The following PALM2AKAP2 variants were observed in gnomAD, a reference collection of about 807,000 sequenced individuals.
PALM2AKAP2 encodes PALM2 and AKAP2 fusion.
Under a neutral mutation model 71.5 loss-of-function variants are expected in PALM2AKAP2, and 37 were observed. The ratio of observed to expected loss-of-function variants is 0.52; its 90% confidence interval spans 0.40 to 0.68. The LOEUF (loss-of-function observed/expected upper bound fraction) is 0.68. Among genes scored for constraint, PALM2AKAP2 ranks in the 30% least tolerant of loss-of-function variants. The pLI is 0.00. For missense variants in PALM2AKAP2, 1,224 were observed against 1,191.8 expected (o/e 1.03, Z -0.40); for synonymous variants, 468 against 478.8 (o/e 0.98, Z 0.29).
intron 6 of PALM2AKAP2, among the ~76,000 whole-genome samples, chr9:109,970,838 G>C (rs369272779): frequency 1.4e-4 from 21 of 152,200 alleles, no homozygotes; most frequent in East Asian, 9.6e-4. Flanking sequence ...CAGGTGCCGG[G>C]GCTCATGCCT....
intron 7 of PALM2AKAP2, among the ~76,000 whole-genome samples, chr9:110,029,603 C>T (rs1256008441): frequency 6.6e-6 from 1 of 152,230 alleles, no homozygotes; most frequent in African/African-American, 2.4e-5. Flanking sequence ...CAGAGCCTGT[C>T]TGCAGATAAG....
chr9:109,997,579 T>TG (rs1165548504), intron 6 of PALM2AKAP2, among the ~76,000 whole-genome samples: 1 of 152,188 alleles, frequency 6.6e-6, no homozygotes, highest in East Asian at 1.9e-4. Context: ...GAGAAATAGT[T>TG]GGGGTTGCAG....
intron 6 of PALM2AKAP2, among the ~76,000 whole-genome samples, chr9:109,983,170 G>C (rs1832307603): frequency 6.6e-6 from 1 of 152,192 alleles, no homozygotes; most frequent in African/African-American, 2.4e-5. Context: ...CGGCTTTCAG[G>C]ATAGCGGACT....
intron 2 of PALM2AKAP2, among the ~76,000 whole-genome samples, chr9:109,876,528 G>C (rs1201072471): frequency 6.6e-6 from 1 of 152,042 alleles, no homozygotes; most frequent in African/African-American, 2.4e-5. Context: ...GCCCAGGTTG[G>C]AGTGCAGTGG....
At chr9:110,035,620 CAT>C (rs1225882359) in intron 7 of PALM2AKAP2, among the ~76,000 whole-genome samples, 18 of 117,118 alleles carry the variant, frequency 1.5e-4, no homozygotes, top group Non-Finnish European at 2.5e-4. Flanking sequence ...TTATATATAA[CAT>C]ATATAGGATA....
intron 1 of PALM2AKAP2, among the ~76,000 whole-genome samples, chr9:110,059,519 A>G (rs1253096901): frequency 6.6e-6 from 1 of 152,264 alleles, no homozygotes; most frequent in Non-Finnish European, 1.5e-5. Context: ...AGGCATTCCA[A>G]GAAAAATAAA....
chr9:109,920,827 G>A (rs1261524177), intron 3 of PALM2AKAP2, among the ~76,000 whole-genome samples: 1 of 142,416 alleles, frequency 7.0e-6, no homozygotes, highest in African/African-American at 2.6e-5. Context: ...AATAAAACCT[G>A]CTCAGAGCCC....
In PALM2AKAP2 at chr9:109,734,179, A is replaced by G. The variant is rs547409940; in HGVS notation, c.6-46309A>G. 8.5e-5 allele frequency among the ~76,000 whole-genome samples: 13 copies of G among 152,254 alleles called. No individual in the cohort carries two copies. In the East Asian group the frequency reaches 1.7e-3, roughly 20 times the overall value. ...GTATTCCCACTACTGGATTATCTCC[A>G]TTTTAGATCAATAATCCTCTTCCTC... On this transcript the variant is annotated intron_variant, in intron 1 of 6. Coordinates refer to the PALM2AKAP2 transcript ENST00000374531.
intron 3 of PALM2AKAP2, among the ~76,000 whole-genome samples, chr9:109,896,141 C>G (rs1433190899): frequency 6.6e-6 from 1 of 152,120 alleles, no homozygotes; most frequent in Non-Finnish European, 1.5e-5. Context: ...GCCGAGATCA[C>G]ACCATTGCAC....
At chr9:109,659,748 T>C in intron 1 of PALM2AKAP2, among the ~76,000 whole-genome samples, 1 of 152,188 alleles carries the variant, frequency 6.6e-6, no homozygotes, top group East Asian at 1.9e-4. Context: ...ATTGCTCCAC[T>C]AAAAAACTTT....
chr9:109,661,377 C>T (rs1160696508), intron 1 of PALM2AKAP2, among the ~76,000 whole-genome samples: 3 of 152,304 alleles, frequency 2.0e-5, no homozygotes, highest in African/African-American at 4.8e-5. Flanking sequence ...CAGCTTTATA[C>T]ATTTGACTAG....
At chr9:110,011,022 T>A (rs1217294852) in intron 6 of PALM2AKAP2, among the ~76,000 whole-genome samples, 6 of 132,124 alleles carry the variant, frequency 4.5e-5, no homozygotes, top group African/African-American at 8.8e-5. Context: ...AAAATATATA[T>A]ATATATATAT....
chr9:109,945,860 C>G (rs1463378797), intron 6 of PALM2AKAP2: 2 of 152,210 alleles, frequency 1.3e-5, no homozygotes, highest in Non-Finnish European at 2.9e-5. Flanking sequence ...CAACACTACA[C>G]ACAAGAACTA....
At chr9:110,151,610 G>A (rs1173657571) in intron 2 of PALM2AKAP2, among the ~76,000 whole-genome samples, 2 of 152,182 alleles carry the variant, frequency 1.3e-5, no homozygotes, top group Non-Finnish European at 2.9e-5. Flanking sequence ...AGGACACAAT[G>A]TTAGAAACAC....
At chr9:109,769,685 A>G (rs1829225713) in intron 1 of PALM2AKAP2, among the ~76,000 whole-genome samples, 1 of 152,216 alleles carries the variant, frequency 6.6e-6, no homozygotes, top group South Asian at 2.1e-4. Context: ...GCCTGATGAG[A>G]TGGACCTAAC....
At chr9:109,723,057 A>G (rs1319106448) in intron 1 of PALM2AKAP2, among the ~76,000 whole-genome samples, 1 of 151,960 alleles carries the variant, frequency 6.6e-6, no homozygotes, top group Non-Finnish European at 1.5e-5. Context: ...TGCAGGCTAT[A>G]CTCTCAACTT....
At chr9:109,843,380 A>G (rs1828762509) in intron 1 of PALM2AKAP2, among the ~76,000 whole-genome samples, 2 of 151,038 alleles carry the variant, frequency 1.3e-5, no homozygotes, top group Admixed American at 6.6e-5. Context: ...TAATAGCACT[A>G]TTGATTTTTA....
At position 109,923,920 on chromosome 9, in the gene PALM2AKAP2, C is replaced by G. The variant is rs1001812916; in HGVS notation, c.372+71C>G. ...GTAGGGCCTAGCAAAATGGTGCTAACTGGGAAACAGGCCAGTGGGCATTGA... is the reference window on the plus strand; with the variant it reads ...GTAGGGCCTAGCAAAATGGTGCTAAGTGGGAAACAGGCCAGTGGGCATTGA... On this transcript the variant is annotated intron_variant, in intron 4 of 9. Transcript: ENST00000302798. The G allele has an allele frequency of 3.6e-6, 5 of 1,404,994 alleles. No individual in the cohort carries two copies. The South Asian group carries it at 6.2e-5, about 17-fold the overall frequency. The allele number at this position is 1,404,994 out of a possible 1,614,324, so 87.0% of individuals were successfully genotyped here. A position where few individuals can be genotyped will look rare whatever the true frequency, so the allele number is the denominator to read the frequency against.
Position 110,137,559 on chromosome 9 carries a change from G to C in PALM2AKAP2, c.1589G>C (p.Arg530Pro), listed in dbSNP as rs548585080. 5.1e-5 allele frequency: 82 copies of C among 1,614,050 alleles called. No individual in the cohort carries two copies. The highest frequency in any genetic ancestry group is 6.7e-5 in the Non-Finnish European group (79 of 1,180,036). ...GAGGATGGAGAATTTACGAGCGCCC[G>C]GGCTGTCCTCACTGTGGTCAAGGAT... The change falls in exon 2 of 4, where the codon CGG becomes CCG. Residue 530 changes from arginine to proline, a missense_variant. Arg to Pro is a moderately radical substitution (Grantham distance 103). Transcript: ENST00000374525.
Sources: allele counts gnomAD v4.1 joint callset (sites outside exome capture counted in the v4.1 genomes callset), GRCh38; gene constraint gnomAD v4.1.1; transcripts MANE v1.5; gene names NCBI Gene and HGNC (gene_info 2026-07-23, HGNC 2026-07-21).